The following RSRC1 variants were observed in gnomAD, a reference collection of about 807,000 sequenced individuals.
RSRC1 encodes the protein arginine and serine rich coiled-coil 1.
In RSRC1, 39 loss-of-function variants were observed where a neutral mutation model predicts 49.1. The ratio of observed to expected loss-of-function variants is 0.79; its 90% CI spans 0.61 to 1.04. The LOEUF is 1.04. Ranked by LOEUF, RSRC1 falls within the 50% of genes least tolerant of loss-of-function variation. RSRC1 has a pLI of 0.00. For synonymous variants in RSRC1, 143 were observed against 130.8 expected (o/e 1.09, Z -0.63); for missense variants, 388 against 402.4 (o/e 0.96, Z 0.31).
chr3:158,199,547 T>C (rs887263846), intron 3 of RSRC1, among the ~76,000 whole-genome samples: 5 of 152,160 alleles, frequency 3.3e-5, no homozygotes, highest in African/African-American at 1.2e-4. Context: ...TTCCAACTAC[T>C]TTGGATTTAT....
chr3:158,216,063 TCTC>T (rs1299371771), intron 4 of RSRC1, among the ~76,000 whole-genome samples: 2 of 151,560 alleles, frequency 1.3e-5, no homozygotes, highest in Non-Finnish European at 3.0e-5. Context: ...TATCTGTATT[TCTC>T]CTTTATTAGA....
chr3:158,218,018 T>C (rs1281852265), intron 4 of RSRC1, among the ~76,000 whole-genome samples: 1 of 151,436 alleles, frequency 6.6e-6, no homozygotes, highest in Non-Finnish European at 1.5e-5. Context: ...GGAGGGACAC[T>C]GATACGAACA....
intron 3 of RSRC1, among the ~76,000 whole-genome samples, chr3:158,198,112 A>G (rs844142): frequency 6.6e-6 from 1 of 151,708 alleles, no homozygotes; most frequent in Non-Finnish European, 1.5e-5. Flanking sequence ...CCCATTATTA[A>G]TGTGTGGGAG....
At chr3:158,535,302 A>G (rs1298395445) in intron 7 of RSRC1, among the ~76,000 whole-genome samples, 1 of 151,412 alleles carries the variant, frequency 6.6e-6, no homozygotes, top group Non-Finnish European at 1.5e-5. Flanking sequence ...ACATATACAT[A>G]TTAAGAAAAA....
In RSRC1 at chr3:158,131,618, G is replaced by A. The variant is rs180725106; in HGVS notation, c.320+7627G>A. On this transcript the variant is annotated intron_variant, in intron 3 of 9. Transcript: ENST00000611884. ...TTTCCTGTTGCTGTTCACTCTCCGG[G>A]TTCTTTTGCATGAATATTTTTTCTT... 1.3e-3 allele frequency among the ~76,000 whole-genome samples: 197 copies of A among 152,110 alleles called. 1 individual carries two copies. The highest frequency in any genetic ancestry group is 4.6e-3 in the African/African-American group (189 of 41,498).
In RSRC1 at chr3:158,265,643, A is replaced by AT. The variant is rs71144452; in HGVS notation, c.495-32392dup. Among the ~76,000 whole-genome samples the AT allele has an allele frequency of 7.7e-3, 1,166 of 151,540 alleles. 7 individuals are homozygous for AT. Among genetic ancestry groups the AT allele is most frequent in the African/African-American group, 0.027 (1,106 of 41,252 alleles). On this transcript the variant is annotated intron_variant, in intron 4 of 9. Transcript: ENST00000611884. The stretch of plus-strand genomic sequence containing the variant: ...TGAAACTCAGTCTCAAAAAAAAAAA[A>AT]TTTTACTCCAATCTTAAATATGCTT...
chr3:158,136,233 T>G (rs1210492674), intron 3 of RSRC1, among the ~76,000 whole-genome samples: 1 of 152,198 alleles, frequency 6.6e-6, no homozygotes, highest in Non-Finnish European at 1.5e-5. Context: ...TGATTCGAAA[T>G]TACATGAAAA....
intron 3 of RSRC1, among the ~76,000 whole-genome samples, chr3:158,196,649 G>C (rs1317173642): frequency 2.0e-5 from 3 of 152,102 alleles, no homozygotes; most frequent in Non-Finnish European, 2.9e-5. Flanking sequence ...GTGATAGATA[G>C]CTCTTATTAT....
intron 3 of RSRC1, among the ~76,000 whole-genome samples, chr3:158,128,120 A>G (rs1715753021): frequency 6.6e-6 from 1 of 152,184 alleles, no homozygotes; most frequent in Non-Finnish European, 1.5e-5. Context: ...GTTGGCACCC[A>G]GAAATCTAAC....
At chr3:158,421,790 A>T (rs2108339013) in intron 6 of RSRC1, among the ~76,000 whole-genome samples, 1 of 151,990 alleles carries the variant, frequency 6.6e-6, no homozygotes, top group Non-Finnish European at 1.5e-5. Context: ...GAATTTTAAA[A>T]CTTCCTTGCC....
intron 6 of RSRC1, among the ~76,000 whole-genome samples, chr3:158,382,519 G>A (rs1221295241): frequency 2.6e-5 from 4 of 152,104 alleles, no homozygotes; most frequent in Non-Finnish European, 5.9e-5. Context: ...ATAATCTTAT[G>A]TCTTTTCTTG....
rs1733528670 is a variant in RSRC1, at chr3:158,394,970, G to GTAC, written c.583+40064_583+40066dup. On this transcript the variant is annotated intron_variant, in intron 6 of 9. Coordinates refer to ENST00000611884, the MANE Select transcript of RSRC1 (RefSeq NM_001271838.2). Reference sequence around the variant, plus strand: ...GGGGCACAGTAACTGAAACAGTGTGGTACTGGTACAAAAACAGATACTTAG... The same window carrying GTAC: ...GGGGCACAGTAACTGAAACAGTGTGGTACTACTGGTACAAAAACAGATACTTAG... Among the ~76,000 whole-genome samples the GTAC allele has an allele frequency of 3.9e-5, 6 of 152,008 alleles. No individual in the cohort carries two copies. The South Asian group carries it at 1.2e-3, about 32-fold the overall frequency.
chr3:158,372,517 C>T (rs1293982678), intron 6 of RSRC1, among the ~76,000 whole-genome samples: 1 of 151,822 alleles, frequency 6.6e-6, no homozygotes, highest in Non-Finnish European at 1.5e-5. Flanking sequence ...TCTGTCTATC[C>T]TTTTACTCAA....
intron 6 of RSRC1, among the ~76,000 whole-genome samples, chr3:158,452,239 A>C (rs1373581398): frequency 6.6e-6 from 1 of 152,156 alleles, no homozygotes; most frequent in African/African-American, 2.4e-5. Flanking sequence ...CAAATTATTT[A>C]ATTTTCGTGG....
intron 3 of RSRC1, among the ~76,000 whole-genome samples, chr3:158,160,006 C>A (rs2108224054): frequency 6.6e-6 from 1 of 152,208 alleles, no homozygotes; most frequent in East Asian, 1.9e-4. Flanking sequence ...GTAATGAATG[C>A]ACTGATAAAA....
At chr3:158,240,677 A>T (rs949981785) in intron 4 of RSRC1, among the ~76,000 whole-genome samples, 2 of 152,166 alleles carry the variant, frequency 1.3e-5, no homozygotes, top group African/African-American at 4.8e-5. Flanking sequence ...CATGGTCAAC[A>T]GTGGTCTGAA....
At chr3:158,503,955 T>A (rs1739731396) in intron 7 of RSRC1, among the ~76,000 whole-genome samples, 1 of 152,136 alleles carries the variant, frequency 6.6e-6, no homozygotes, top group South Asian at 2.1e-4. Flanking sequence ...CCCTGTGGTG[T>A]TTTTCCCCCC....
intron 7 of RSRC1, among the ~76,000 whole-genome samples, chr3:158,471,865 G>A (rs554937764): frequency 2.0e-5 from 3 of 152,166 alleles, no homozygotes; most frequent in Non-Finnish European, 4.4e-5. Flanking sequence ...AAGCCCAGCT[G>A]TAGTGCTTCT....
intron 6 of RSRC1, among the ~76,000 whole-genome samples, chr3:158,447,861 T>G (rs1254092830): frequency 6.6e-6 from 1 of 151,936 alleles, no homozygotes; most frequent in Non-Finnish European, 1.5e-5. Flanking sequence ...CATCCCATCC[T>G]TGATTTCTGA....
Sources: gnomAD v4.1 joint callset for allele counts (sites outside exome capture counted in the v4.1 genomes callset) on GRCh38, gnomAD v4.1.1 for gene constraint, MANE v1.5 for transcripts, NCBI Gene and HGNC (gene_info 2026-07-23, HGNC 2026-07-21) for gene names.